CPNE4: variants seen among roughly 807,000 people sequenced by gnomAD.
The protein encoded by CPNE4 is copine 4.
Under a neutral mutation model 67.9 loss-of-function variants are expected in CPNE4, and 25 were observed. The observed-to-expected ratio is 0.37, with a 90% confidence interval of 0.27 to 0.51. The LOEUF (loss-of-function observed/expected upper bound fraction) is 0.51, where lower values mean the gene tolerates loss of function less well. CPNE4 is among the 20% of genes least tolerant of loss of function. The pLI is 0.93. For missense variants in CPNE4, 464 were observed against 690.8 expected (o/e 0.67, Z 3.68); for synonymous variants, 242 against 244.9 (o/e 0.99, Z 0.11).
chr3:131,934,191 CTA>C (rs1392878921), intron 1 of CPNE4, among the ~76,000 whole-genome samples: 6 of 152,020 alleles, frequency 3.9e-5, no homozygotes, highest in Admixed American at 3.3e-4. Context: ...TCAAAAGTAA[CTA>C]TTTGAATTTA....
rs73214096 is a variant in CPNE4, at chr3:131,550,025, G to A, written c.1224C>T (p.Tyr408=). 5.6e-6 allele frequency: 9 copies of A among 1,613,148 alleles called. No homozygotes were observed. Among genetic ancestry groups the A allele is most frequent in the South Asian group, 4.4e-5 (4 of 91,046 alleles). The part of the protein sequence containing the change: ...YQSCLPKLQL[Y]GPTNIAPIIQ... The stretch of plus-strand genomic sequence containing the variant: ...TGATGGGGGCAATGTTGGTGGGACC[G>A]TAGAGTTGGAGCTTAGGAAGACAGC... The change falls in exon 14 of 16, where the codon TAC becomes TAT. Residue 408 remains tyrosine (Y), a synonymous_variant. Transcript: ENST00000429747.
chr3:131,631,225 C>G (rs1001273902), intron 7 of CPNE4, among the ~76,000 whole-genome samples: 1 of 151,962 alleles, frequency 6.6e-6, no homozygotes, highest in African/African-American at 2.4e-5. Flanking sequence ...TTTCTGAATC[C>G]CAAGAGAAGA....
At chr3:131,683,762 C>T (rs2080815419) in intron 6 of CPNE4, among the ~76,000 whole-genome samples, 1 of 152,104 alleles carries the variant, frequency 6.6e-6, no homozygotes, top group African/African-American at 2.4e-5. Context: ...CTTAGAGTGC[C>T]TTTCAAATTT....
At chr3:131,916,357 AAAAAAAAAACAG>A (rs947226709) in intron 1 of CPNE4, among the ~76,000 whole-genome samples, 4 of 152,002 alleles carry the variant, frequency 2.6e-5, no homozygotes, top group African/African-American at 9.6e-5. Flanking sequence ...GAAAAAAAAA[AAAAAAAAAACAG>A]AGCAGGATTA....
At chr3:131,561,593 T>C (rs907198956) in intron 11 of CPNE4, among the ~76,000 whole-genome samples, 1 of 151,946 alleles carries the variant, frequency 6.6e-6, no homozygotes, top group African/African-American at 2.4e-5. Context: ...AATGACCTGG[T>C]AGCAATGACT....
In CPNE4 at chr3:131,872,262, A is replaced by T. The variant is rs187005382; in HGVS notation, c.180+33002T>A. ...GAGATTTATTATAAGGAATTAGCTC[A>T]CATGATTATGGAGACTGGCAGTTCA... On this transcript the variant is annotated intron_variant, in intron 2 of 15. Coordinates refer to ENST00000429747, the MANE Select transcript of CPNE4 (RefSeq NM_130808.3). Among the ~76,000 whole-genome samples the T allele has an allele frequency of 4.7e-3, 717 of 152,276 alleles. 8 individuals are homozygous for T. The highest frequency in any genetic ancestry group is 0.015 in the African/African-American group (633 of 41,570).
chr3:131,550,199 A>G (rs1042420703), intron 13 of CPNE4, 119 bp from the exon 14 acceptor site: 114 of 1,030,006 alleles, frequency 1.1e-4, no homozygotes, highest in Non-Finnish European at 1.5e-4. Context: ...CATCATGTTT[A>G]TGTTCTTAAG....
chr3:131,595,490 T>C (rs1435532545), intron 7 of CPNE4, among the ~76,000 whole-genome samples: 1 of 152,178 alleles, frequency 6.6e-6, no homozygotes, highest in Non-Finnish European at 1.5e-5. Context: ...AAAAGAGGTT[T>C]AGGTTGTCTC....
intron 4 of CPNE4, among the ~76,000 whole-genome samples, chr3:131,699,688 A>C (rs1181920924): frequency 6.6e-6 from 1 of 152,250 alleles, no homozygotes; most frequent in Non-Finnish European, 1.5e-5. Flanking sequence ...CTTACTTTCA[A>C]ATGCTTTTCC....
chr3:131,829,120 A>G (rs1197145695), intron 2 of CPNE4, among the ~76,000 whole-genome samples: 2 of 152,190 alleles, frequency 1.3e-5, no homozygotes, highest in African/African-American at 2.4e-5. Flanking sequence ...TTTTAAAACC[A>G]TCAGATCTTG....
At chr3:131,653,971 A>G (rs2079883642) in intron 7 of CPNE4, among the ~76,000 whole-genome samples, 1 of 152,238 alleles carries the variant, frequency 6.6e-6, no homozygotes, top group Admixed American at 6.5e-5. Flanking sequence ...TTCTCAGTCT[A>G]TTAAGTTAAG....
chr3:131,581,231 A>G (rs1308152225), intron 9 of CPNE4, among the ~76,000 whole-genome samples: 1 of 152,116 alleles, frequency 6.6e-6, no homozygotes, highest in African/African-American at 2.4e-5. Flanking sequence ...CAACCACTGG[A>G]CACCGTGAAG....
rs764819721 is a variant in CPNE4 at position 132,001,561 on chromosome 3, A to AAGAG, written c.-2+33005_-2+33006insCTCT. Among the ~76,000 whole-genome samples the AAGAG allele has an allele frequency of 2.7e-5, 3 of 111,178 alleles. No individual in the cohort carries two copies. In the East Asian group the frequency reaches 7.1e-4, roughly 26 times the overall value. 72.9% of individuals were successfully genotyped at this position (111,178 alleles called of 152,430 possible). A position where few individuals can be genotyped will look rare whatever the true frequency, so the allele number is the denominator to read the frequency against. ...AAGAGACAAAGAAAAAAGAGAAAGAAAGAAAGAAAGAAAGAAAGAAAGAAA... is the reference window on the plus strand; with the variant it reads ...AAGAGACAAAGAAAAAAGAGAAAGAAAGAGAGAAAGAAAGAAAGAAAGAAAGAAA... On this transcript the variant is annotated intron_variant, in intron 1 of 15. Transcript: ENST00000429747.
intron 2 of CPNE4, among the ~76,000 whole-genome samples, chr3:131,882,132 T>C (rs1254775113): frequency 1.2e-5 from 1 of 86,948 alleles, no homozygotes; most frequent in Non-Finnish European, 2.3e-5. Flanking sequence ...ATTCTTCAGT[T>C]CTAATACACA....
At chr3:131,694,980 A>T (rs1465035225) in intron 5 of CPNE4, among the ~76,000 whole-genome samples, 1 of 152,250 alleles carries the variant, frequency 6.6e-6, no homozygotes, top group Non-Finnish European at 1.5e-5. Context: ...ATGCAGCAAT[A>T]GAAAACCAGA....
intron 2 of CPNE4, among the ~76,000 whole-genome samples, chr3:131,893,201 A>AC (rs144921997): frequency 0.068 from 10,355 of 152,062 alleles, 466 homozygotes; most frequent in Non-Finnish European, 0.097. Flanking sequence ...GATAAAGTAG[A>AC]CTTTAAGTAG....
At chr3:131,705,852 T>C (rs1415171390) in intron 3 of CPNE4, among the ~76,000 whole-genome samples, 2 of 152,196 alleles carry the variant, frequency 1.3e-5, no homozygotes, top group African/African-American at 2.4e-5. Context: ...GGACTGCTTG[T>C]GTATTAATTA....
At chr3:131,608,907 A>G (rs749051893) in intron 7 of CPNE4, among the ~76,000 whole-genome samples, 26 of 151,918 alleles carry the variant, frequency 1.7e-4, no homozygotes, top group Admixed American at 6.6e-4. Context: ...TCAGGCTTCA[A>G]CCACACAGGC....
At chr3:131,813,312 A>C (rs541905096) in intron 2 of CPNE4, among the ~76,000 whole-genome samples, 1 of 151,562 alleles carries the variant, frequency 6.6e-6, no homozygotes, top group Non-Finnish European at 1.5e-5. Context: ...AAAAGAAAAG[A>C]GGGAAATGAG....
Sources: gnomAD v4.1 joint callset for allele counts (sites outside exome capture counted in the v4.1 genomes callset) on GRCh38, gnomAD v4.1.1 for gene constraint, MANE v1.5 for transcripts, NCBI Gene and HGNC (gene_info 2026-07-23, HGNC 2026-07-21) for gene names.